The following SYT14 variants were observed in gnomAD, a reference collection of about 807,000 sequenced individuals.
SYT14 encodes the protein synaptotagmin 14.
Under a neutral mutation model 74.2 loss-of-function variants are expected in SYT14, and 32 were observed. The ratio of observed to expected loss-of-function variants is 0.43; its 90% CI spans 0.33 to 0.58. The LOEUF (loss-of-function observed/expected upper bound fraction) is 0.58. Among genes scored for constraint, SYT14 ranks in the 20% least tolerant of loss-of-function variants. The pLI, the probability that SYT14 is intolerant of heterozygous loss-of-function variation, is 0.05. For synonymous variants in SYT14, 298 were observed against 337.7 expected, an observed-to-expected ratio of 0.88 and a Z score of 1.29; for missense variants, 791 against 981.8, an observed-to-expected ratio of 0.81 and a Z score of 2.60.
At chr1:210,145,599 A>G (rs2083016119) in intron 7 of SYT14, among the ~76,000 whole-genome samples, 1 of 152,214 alleles carries the variant, frequency 6.6e-6, no homozygotes, top group Non-Finnish European at 1.5e-5. Context: ...CAGTTACAGG[A>G]CAGAAAGTCT....
chr1:209,984,286 T>C (rs1344094405), intron 2 of SYT14, among the ~76,000 whole-genome samples: 1 of 152,212 alleles, frequency 6.6e-6, no homozygotes, highest in Non-Finnish European at 1.5e-5. Context: ...GGATGGTAGC[T>C]GTTTTGTGCA....
intron 7 of SYT14, among the ~76,000 whole-genome samples, chr1:210,126,574 G>A (rs999873805): frequency 6.6e-6 from 1 of 152,150 alleles, no homozygotes; most frequent in Non-Finnish European, 1.5e-5. Flanking sequence ...TTATTCCCAT[G>A]TAATTTGTTT....
At chr1:209,982,468 G>A (rs562963668) in intron 2 of SYT14, among the ~76,000 whole-genome samples, 22 of 152,276 alleles carry the variant, frequency 1.4e-4, no homozygotes, top group African/African-American at 5.1e-4. Context: ...CTTTGCTTTT[G>A]TGTGACTGGG....
intron 2 of SYT14, among the ~76,000 whole-genome samples, chr1:209,985,595 G>C (rs2079557300): frequency 6.6e-6 from 1 of 152,226 alleles, no homozygotes; most frequent in Non-Finnish European, 1.5e-5. Flanking sequence ...TTTTTCCACA[G>C]CTCCACTAGG....
At chr1:209,939,755 C>T (rs902800905) in intron 1 of SYT14, among the ~76,000 whole-genome samples, 13 of 152,208 alleles carry the variant, frequency 8.5e-5, no homozygotes, top group African/African-American at 3.1e-4. Flanking sequence ...TACCACACCA[C>T]GTGAAAGTAG....
chr1:210,001,174 C>T (rs2079893316), intron 2 of SYT14, among the ~76,000 whole-genome samples: 1 of 152,102 alleles, frequency 6.6e-6, no homozygotes, highest in African/African-American at 2.4e-5. Context: ...AATATATTTT[C>T]ATGAATTTTT....
intron 1 of SYT14, among the ~76,000 whole-genome samples, chr1:209,944,669 T>C (rs1195347839): frequency 1.3e-5 from 2 of 152,046 alleles, no homozygotes; most frequent in Non-Finnish European, 2.9e-5. Flanking sequence ...CTACAGTAAT[T>C]GCATAGCAAC....
At chr1:209,991,722 C>T (rs897676569) in intron 2 of SYT14, among the ~76,000 whole-genome samples, 1 of 151,792 alleles carries the variant, frequency 6.6e-6, no homozygotes, top group Non-Finnish European at 1.5e-5. Flanking sequence ...CCCAGCTACT[C>T]GGGAGGCTAA....
At chr1:210,000,493 C>T (rs2102875956) in intron 2 of SYT14, among the ~76,000 whole-genome samples, 1 of 151,652 alleles carries the variant, frequency 6.6e-6, no homozygotes, top group African/African-American at 2.4e-5. Context: ...CACACACACA[C>T]ACACACAATC....
chr1:210,023,413 G>T lies in SYT14; in HGVS notation c.1312+2159G>T, dbSNP rs949923597. On this transcript the variant is annotated intron_variant, in intron 5 of 9. Coordinates refer to ENST00000637265, the Ensembl canonical transcript of SYT14. ...GGCTGGAGTGCAGTGGCACGATCTT[G>T]GCTCACTGCAACCTCTGCCTCTTGG... is the stretch of plus-strand genomic sequence containing the variant. 8.5e-5 allele frequency among the ~76,000 whole-genome samples: 13 copies of T among 152,130 alleles called. No homozygotes were observed. The South Asian group carries it at 1.2e-3, about 15-fold the overall frequency.
intron 7 of SYT14, among the ~76,000 whole-genome samples, chr1:210,149,754 T>C (rs75406178): frequency 1.3e-5 from 2 of 152,314 alleles, no homozygotes; most frequent in Middle Eastern, 3.4e-3. Flanking sequence ...TTCTGTTTCA[T>C]TGAACCATCT....
chr1:210,086,880 A>G (rs534496872), intron 5 of SYT14, among the ~76,000 whole-genome samples: 6 of 152,134 alleles, frequency 3.9e-5, no homozygotes, highest in African/African-American at 1.4e-4. Context: ...CTTTTTTCAT[A>G]TTTGTAACTC....
intron 7 of SYT14, among the ~76,000 whole-genome samples, chr1:210,136,516 A>G (rs1208184998): frequency 6.6e-6 from 1 of 152,210 alleles, no homozygotes; most frequent in African/African-American, 2.4e-5. Context: ...AGTACAATCA[A>G]GGAGTTAATT....
intron 3 of SYT14, chr1:210,015,557 A>G (rs1376480583): frequency 6.5e-6 from 1 of 152,854 alleles, no homozygotes; most frequent in Non-Finnish European, 1.5e-5. Flanking sequence ...TTTCTCTTTA[A>G]TATTTTTCTT....
intron 7 of SYT14, among the ~76,000 whole-genome samples, chr1:210,117,230 TCA>T (rs1338158617): frequency 1.3e-5 from 2 of 152,284 alleles, no homozygotes; most frequent in East Asian, 1.9e-4. Flanking sequence ...TTAAATCACT[TCA>T]GTTTGATGTT....
intron 2 of SYT14, among the ~76,000 whole-genome samples, chr1:209,992,118 A>G (rs1025476849): frequency 6.6e-6 from 1 of 152,116 alleles, no homozygotes; most frequent in Non-Finnish European, 1.5e-5. Context: ...CTACCAATAG[A>G]TGACTGGATA....
chr1:209,986,187 CT>C (rs879618298), intron 2 of SYT14, among the ~76,000 whole-genome samples: 12 of 152,190 alleles, frequency 7.9e-5, no homozygotes, highest in Non-Finnish European at 1.6e-4. Context: ...ATTTTCCAAA[CT>C]TTTATGCTCT....
At chr1:210,039,144 A>G (rs1405946767) in intron 5 of SYT14, among the ~76,000 whole-genome samples, 1 of 152,012 alleles carries the variant, frequency 6.6e-6, no homozygotes, top group African/African-American at 2.4e-5. Flanking sequence ...TTAATTCAAA[A>G]GACATATCTT....
chr1:210,040,741 A>C (rs1558148167), intron 5 of SYT14, among the ~76,000 whole-genome samples: 1 of 152,166 alleles, frequency 6.6e-6, no homozygotes, highest in Non-Finnish European at 1.5e-5. Flanking sequence ...TTAGTCAGGA[A>C]TCCCCTGTAG....
Sources: gnomAD v4.1 joint callset for allele counts (sites outside exome capture counted in the v4.1 genomes callset) on GRCh38, gnomAD v4.1.1 for gene constraint, MANE v1.5 for transcripts, NCBI Gene and HGNC (gene_info 2026-07-23, HGNC 2026-07-21) for gene names.